PTPRD: variants seen among roughly 807,000 people sequenced by gnomAD.
PTPRD encodes the protein receptor-type tyrosine-protein phosphatase delta.
In PTPRD, 34 loss-of-function variants were observed where a neutral mutation model predicts 214.5. The ratio of observed to expected loss-of-function variants is 0.16; its 90% confidence interval spans 0.12 to 0.21. PTPRD has a LOEUF of 0.21. PTPRD is among the 10% of genes least tolerant of loss of function. The probability of loss-of-function intolerance (pLI) is 1.00; values close to 1 mark genes in which losing one functional copy is unlikely to be tolerated. For synonymous variants in PTPRD, 1,128 were observed against 845.7 expected (o/e 1.33, Z -5.79); for missense variants, 2,545 against 2,398.7 (o/e 1.06, Z -1.27).
At chr9:9,378,461 A>G (rs1015970736) in intron 9 of PTPRD, among the ~76,000 whole-genome samples, 1 of 152,170 alleles carries the variant, frequency 6.6e-6, no homozygotes, top group Non-Finnish European at 1.5e-5. Flanking sequence ...TTTGGCAATT[A>G]TGAATAATGC....
At chr9:10,369,093 G>A (rs2097565788) in intron 2 of PTPRD, among the ~76,000 whole-genome samples, 1 of 151,934 alleles carries the variant, frequency 6.6e-6, no homozygotes. Flanking sequence ...AAAAAATTGT[G>A]CTAAATTTGA....
chr9:10,342,511 C>G (rs1371057265), intron 2 of PTPRD, among the ~76,000 whole-genome samples: 1 of 152,012 alleles, frequency 6.6e-6, no homozygotes, highest in East Asian at 1.9e-4. Context: ...TATATAACAA[C>G]TAATTATACA....
At chr9:8,991,780 C>CTATTTTTATTCATAAT (rs1273273146) in intron 11 of PTPRD, among the ~76,000 whole-genome samples, 1 of 152,068 alleles carries the variant, frequency 6.6e-6, no homozygotes, top group African/African-American at 2.4e-5. Context: ...TATACATTTG[C>CTATTTTTATTCATAAT]TAGTTCATAA....
intron 14 of PTPRD, among the ~76,000 whole-genome samples, chr9:8,531,636 G>T (rs1220378013): frequency 6.6e-6 from 1 of 152,078 alleles, no homozygotes; most frequent in Non-Finnish European, 1.5e-5. Flanking sequence ...AGTGGTTTCT[G>T]TATGTCCTAG....
chr9:9,931,885 C>A (rs377710219), intron 5 of PTPRD, among the ~76,000 whole-genome samples: 4 of 149,668 alleles, frequency 2.7e-5, no homozygotes, highest in Non-Finnish European at 5.9e-5. Context: ...GATCTGAGAA[C>A]GGGCAGACTG....
intron 7 of PTPRD, among the ~76,000 whole-genome samples, chr9:9,732,380 T>C (rs2098213045): frequency 6.6e-6 from 1 of 152,128 alleles, no homozygotes; most frequent in Non-Finnish European, 1.5e-5. Context: ...ATAAGTGTTT[T>C]AGAATCCATC....
At chr9:10,434,856 G>T (rs544249996) in intron 2 of PTPRD, among the ~76,000 whole-genome samples, 30 of 151,782 alleles carry the variant, frequency 2.0e-4, no homozygotes, top group Non-Finnish European at 3.7e-4. Flanking sequence ...AATCTGGACT[G>T]GTTATGGCTC....
chr9:10,245,444 C>T (rs983995093), intron 3 of PTPRD, among the ~76,000 whole-genome samples: 1 of 152,112 alleles, frequency 6.6e-6, no homozygotes, highest in African/African-American at 2.4e-5. Flanking sequence ...TGACTCCGTA[C>T]ACAATGCATA....
chr9:9,884,856 G>T (rs1038351944), intron 5 of PTPRD, among the ~76,000 whole-genome samples: 4 of 152,076 alleles, frequency 2.6e-5, no homozygotes, highest in African/African-American at 9.7e-5. Flanking sequence ...ATTCTGCCAC[G>T]ATTGTAAGTT....
At chr9:10,232,367 G>T (rs1208777482) in intron 3 of PTPRD, among the ~76,000 whole-genome samples, 1 of 151,964 alleles carries the variant, frequency 6.6e-6, no homozygotes, top group African/African-American at 2.4e-5. Context: ...GAATATGACA[G>T]TAGGGTTTGG....
intron 3 of PTPRD, among the ~76,000 whole-genome samples, chr9:10,170,618 CGGA>C (rs1208248247): frequency 2.6e-5 from 4 of 152,014 alleles, no homozygotes; most frequent in Admixed American, 2.6e-4. Flanking sequence ...ACCCGGGAGG[CGGA>C]GCTTGCAGTG....
intron 11 of PTPRD, among the ~76,000 whole-genome samples, chr9:8,737,377 G>A (rs2090712218): frequency 6.6e-6 from 1 of 152,130 alleles, no homozygotes; most frequent in Non-Finnish European, 1.5e-5. Flanking sequence ...GGAAATGCTA[G>A]CTGCCTATCA....
At chr9:8,641,277 G>C (rs775458944) in intron 12 of PTPRD, among the ~76,000 whole-genome samples, 6 of 148,088 alleles carry the variant, frequency 4.1e-5, no homozygotes, top group Admixed American at 1.3e-4. Context: ...TATCCCATGA[G>C]ATACAACCAT....
chr9:9,105,350 T>C (rs2099797029), intron 10 of PTPRD, among the ~76,000 whole-genome samples: 1 of 152,156 alleles, frequency 6.6e-6, no homozygotes, highest in South Asian at 2.1e-4. Context: ...GATTCTCTCT[T>C]TTCTATGCAG....
rs1258560751 is a variant in PTPRD, at chr9:8,934,472, TATATAA to T, written c.-104+84219_-104+84224del. Among the ~76,000 whole-genome samples, 161 of 27,542 alleles carry T rather than the reference TATATAA, an allele frequency of 5.8e-3. 5 individuals are homozygous for T. Among genetic ancestry groups the T allele is most frequent in the African/African-American group, 0.014 (67 of 4,796 alleles). The allele number at this position is 27,542 out of a possible 152,430, so 18.1% of individuals were successfully genotyped here. On this transcript the variant is annotated intron_variant, in intron 11 of 45. Transcript: ENST00000381196. ...AAATTTATATATATATAAATATATA[TATATAA>T]ATATATATATATATAAATATATATA...
chr9:8,878,334 C>T (rs1197319532), intron 11 of PTPRD, among the ~76,000 whole-genome samples: 1 of 152,124 alleles, frequency 6.6e-6, no homozygotes, highest in Non-Finnish European at 1.5e-5. Flanking sequence ...GTGCTCTCAG[C>T]TGCCTCTGTA....
chr9:9,316,930 G>A (rs193157497), intron 9 of PTPRD, among the ~76,000 whole-genome samples: 2 of 152,168 alleles, frequency 1.3e-5, no homozygotes, highest in Admixed American at 1.3e-4. Context: ...TGTCTCTAAA[G>A]TTACAAAGTC....
chr9:9,788,127 T>A (rs993668370), intron 5 of PTPRD, among the ~76,000 whole-genome samples: 2 of 151,586 alleles, frequency 1.3e-5, no homozygotes, highest in East Asian at 3.9e-4. Context: ...GAAATACAAA[T>A]AAATCATGAA....
intron 12 of PTPRD, among the ~76,000 whole-genome samples, chr9:8,694,616 T>C (rs2097870009): frequency 6.6e-6 from 1 of 152,222 alleles, no homozygotes; most frequent in Non-Finnish European, 1.5e-5. Flanking sequence ...GTTTTCTGCA[T>C]ATGCCAAGGA....
Sources: allele counts gnomAD v4.1 joint callset (sites outside exome capture counted in the v4.1 genomes callset), GRCh38; gene constraint gnomAD v4.1.1; transcripts MANE v1.5; gene names NCBI Gene and HGNC (gene_info 2026-07-23, HGNC 2026-07-21).